The following TTC28 variants were observed in gnomAD, a reference collection of about 807,000 sequenced individuals.
TTC28 encodes tetratricopeptide repeat domain 28.
A neutral mutation model predicts 198.0 loss-of-function variants in TTC28; 61 were observed. That is an observed-to-expected ratio of 0.31 (90% CI 0.25 to 0.38). The LOEUF (loss-of-function observed/expected upper bound fraction) is 0.38. Ranked by LOEUF, TTC28 falls within the 10% of genes least tolerant of loss-of-function variation. The pLI, the probability that TTC28 is intolerant of heterozygous loss-of-function variation, is 1.00. For missense variants in TTC28, 2,678 were observed against 3,164.0 expected (o/e 0.85, Z 3.69); for synonymous variants, 1,171 against 1,297.8 (o/e 0.90, Z 2.10).
At chr22:27,985,176 A>G in intron 22 of TTC28, 73 bp downstream of exon 22, 1 of 1,086,478 alleles carries the variant, frequency 9.2e-7, no homozygotes, top group South Asian at 1.4e-5. Context: ...CCCAAAATGT[A>G]TGTGCTGGTG....
chr22:28,653,713 C>A (rs1025579758), intron 1 of TTC28, among the ~76,000 whole-genome samples: 4 of 152,150 alleles, frequency 2.6e-5, no homozygotes, highest in Non-Finnish European at 5.9e-5. Flanking sequence ...CTTCCCTTCC[C>A]ATACTAGGTA....
In TTC28 at chr22:28,621,578, A is replaced by T. The variant is rs543385205; in HGVS notation, c.381+7974T>A. Among the ~76,000 whole-genome samples the T allele has an allele frequency of 6.0e-5, 9 of 150,348 alleles. No individual in the cohort carries two copies. The South Asian group carries it at 6.3e-4, about 10-fold the overall frequency. ...AAAAAATAATAATAATAAAAAAAAT[A>T]AAAAGTTTAAAAAAAATAGCTAGGT... On this transcript the variant is annotated intron_variant, in intron 2 of 22. Coordinates refer to ENST00000397906, the MANE Select transcript of TTC28 (RefSeq NM_001145418.2).
intron 17 of TTC28, among the ~76,000 whole-genome samples, chr22:27,995,915 A>T (rs1937543612): frequency 6.6e-6 from 1 of 152,030 alleles, no homozygotes; most frequent in Admixed American, 6.5e-5. Context: ...CACCCTGGGG[A>T]TACTGCCCAC....
At chr22:28,301,065 A>AT (rs538899220) in intron 3 of TTC28, among the ~76,000 whole-genome samples, 3 of 152,286 alleles carry the variant, frequency 2.0e-5, no homozygotes, top group Admixed American at 6.5e-5. Context: ...AAATTTAAAA[A>AT]TTTTTTACTA....
chr22:28,456,943 T>C (rs1459207361), intron 2 of TTC28, among the ~76,000 whole-genome samples: 1 of 152,198 alleles, frequency 6.6e-6, no homozygotes, highest in Non-Finnish European at 1.5e-5. Flanking sequence ...AATAAACAAC[T>C]AGCAAACTAA....
intron 2 of TTC28, among the ~76,000 whole-genome samples, chr22:28,509,211 C>T (rs1410004659): frequency 6.6e-6 from 1 of 151,106 alleles, no homozygotes; most frequent in Non-Finnish European, 1.5e-5. Context: ...AAAAAAAATA[C>T]TCTCTACCCA....
At chr22:28,155,005 T>C (rs767910430) in intron 6 of TTC28, among the ~76,000 whole-genome samples, 1 of 152,206 alleles carries the variant, frequency 6.6e-6, no homozygotes, top group Non-Finnish European at 1.5e-5. Flanking sequence ...TGTTACATCA[T>C]CTACATCGTG....
At chr22:28,162,680 T>C (rs1332738200) in intron 6 of TTC28, among the ~76,000 whole-genome samples, 1 of 152,194 alleles carries the variant, frequency 6.6e-6, no homozygotes, top group Non-Finnish European at 1.5e-5. Context: ...CCAGGTACGG[T>C]GGCTTATGCC....
At chr22:28,248,716 T>C (rs1488385835) in intron 5 of TTC28, among the ~76,000 whole-genome samples, 1 of 152,092 alleles carries the variant, frequency 6.6e-6, no homozygotes, top group Non-Finnish European at 1.5e-5. Flanking sequence ...GGCTAATCTA[T>C]GGGGCCAAGA....
rs183574892 is a variant in TTC28, at chr22:28,437,229, T to G, written c.382-130586A>C. ...AGCTGAGTTGCTGGGTTAACAAGCATGCACCACTATTCCTGGCTAATTTTT... is the reference window on the plus strand; with the variant it reads ...AGCTGAGTTGCTGGGTTAACAAGCAGGCACCACTATTCCTGGCTAATTTTT... On this transcript the variant is annotated intron_variant, in intron 2 of 22. Transcript: ENST00000397906. 8.8e-4 allele frequency among the ~76,000 whole-genome samples: 134 copies of G among 152,190 alleles called. 1 individual carries two copies. Among genetic ancestry groups the G allele is most frequent in the Admixed American group, 3.3e-3 (50 of 15,292 alleles).
intron 18 of TTC28, 126 bp downstream of exon 18, chr22:27,993,161 C>T (rs1365804390): frequency 4.5e-6 from 4 of 880,758 alleles, no homozygotes; most frequent in Admixed American, 3.0e-5. Context: ...CCTGCCATTT[C>T]TCAGGACACC....
intron 12 of TTC28, among the ~76,000 whole-genome samples, chr22:28,049,273 C>T (rs1473502918): frequency 1.3e-5 from 2 of 152,148 alleles, no homozygotes; most frequent in Non-Finnish European, 2.9e-5. Flanking sequence ...GGTTTTAAAT[C>T]CCACCATACA....
At chr22:28,039,243 C>A (rs553135446) in intron 12 of TTC28, among the ~76,000 whole-genome samples, 3 of 152,152 alleles carry the variant, frequency 2.0e-5, no homozygotes, top group Non-Finnish European at 4.4e-5. Context: ...CGGCACTACT[C>A]ACAATAGCAA....
intron 2 of TTC28, among the ~76,000 whole-genome samples, chr22:28,472,170 A>C (rs146413500): frequency 1.1e-4 from 16 of 152,328 alleles, no homozygotes; most frequent in African/African-American, 3.8e-4. Context: ...ATTTACATCA[A>C]ACATTATATC....
chr22:28,421,337 A>C (rs995001884), intron 2 of TTC28, among the ~76,000 whole-genome samples: 6 of 152,218 alleles, frequency 3.9e-5, no homozygotes, highest in Non-Finnish European at 7.3e-5. Context: ...TCAATCTTGG[A>C]AAAAACAAAT....
chr22:28,103,402 G>A (rs1026753821), intron 8 of TTC28, among the ~76,000 whole-genome samples: 2 of 152,214 alleles, frequency 1.3e-5, no homozygotes, highest in African/African-American at 4.8e-5. Flanking sequence ...ACCTGTGAGA[G>A]TCTATTGCAC....
At chr22:28,302,006 C>A (rs1272717527) in intron 3 of TTC28, among the ~76,000 whole-genome samples, 1 of 151,484 alleles carries the variant, frequency 6.6e-6, no homozygotes, top group African/African-American at 2.4e-5. Flanking sequence ...CCACTATACT[C>A]CAGCTTAGGT....
intron 12 of TTC28, among the ~76,000 whole-genome samples, chr22:28,069,297 G>C (rs1163173317): frequency 6.6e-6 from 1 of 152,164 alleles, no homozygotes. Context: ...ATTCACTGAA[G>C]AGTTCTGAGC....
chr22:28,019,926 C>A (rs1229740944), intron 13 of TTC28, among the ~76,000 whole-genome samples: 1 of 152,254 alleles, frequency 6.6e-6, no homozygotes, highest in Non-Finnish European at 1.5e-5. Context: ...AACACACATG[C>A]ACCCCTCTGC....
Sources: allele counts gnomAD v4.1 joint callset (sites outside exome capture counted in the v4.1 genomes callset), GRCh38; gene constraint gnomAD v4.1.1; transcripts MANE v1.5; gene names NCBI Gene and HGNC (gene_info 2026-07-23, HGNC 2026-07-21).